The following ADGRB3 variants were observed in gnomAD, a reference collection of about 807,000 sequenced individuals.
ADGRB3 encodes brain-specific angiogenesis inhibitor 3.
In ADGRB3, 37 loss-of-function variants were observed where a neutral mutation model predicts 193.4. The ratio of observed to expected loss-of-function variants is 0.19; its 90% CI spans 0.15 to 0.25. The LOEUF (loss-of-function observed/expected upper bound fraction) is 0.25, where lower values mean the gene tolerates loss of function less well. Among genes scored for constraint, ADGRB3 ranks in the 10% least tolerant of loss-of-function variants. The probability of loss-of-function intolerance (pLI) is 1.00; values close to 1 mark genes in which losing one functional copy is unlikely to be tolerated. For missense variants in ADGRB3, 1,637 were observed against 1,852.9 expected (o/e 0.88, Z 2.14); for synonymous variants, 690 against 644.2 (o/e 1.07, Z -1.08).
At chr6:69,217,003 G>C (rs1381327351) in intron 17 of ADGRB3, among the ~76,000 whole-genome samples, 2 of 152,138 alleles carry the variant, frequency 1.3e-5, no homozygotes, top group African/African-American at 4.8e-5. Context: ...TGAGGAAAAA[G>C]GGAAAAGACA....
At chr6:68,786,828 A>G (rs868271564) in intron 3 of ADGRB3, among the ~76,000 whole-genome samples, 1 of 151,492 alleles carries the variant, frequency 6.6e-6, no homozygotes, top group Non-Finnish European at 1.5e-5. Context: ...CTTTTATTTC[A>G]TTGAGCAGTG....
intron 15 of ADGRB3, among the ~76,000 whole-genome samples, chr6:69,054,365 T>C (rs1316789789): frequency 6.6e-6 from 1 of 152,134 alleles, no homozygotes; most frequent in African/African-American, 2.4e-5. Flanking sequence ...AAAAATAATA[T>C]TGGAAATAAT....
intron 17 of ADGRB3, among the ~76,000 whole-genome samples, chr6:69,159,105 T>C (rs756269519): frequency 2.0e-5 from 3 of 152,098 alleles, no homozygotes; most frequent in Non-Finnish European, 4.4e-5. Flanking sequence ...TTTGGCTTCT[T>C]ACATTGAGTC....
chr6:68,756,144 A>T (rs948950332), intron 3 of ADGRB3, among the ~76,000 whole-genome samples: 16 of 152,070 alleles, frequency 1.1e-4, no homozygotes, highest in Non-Finnish European at 2.2e-4. Flanking sequence ...AAATTTCTTC[A>T]GGTCAAATTA....
At chr6:68,852,644 C>T (rs1437498956) in intron 3 of ADGRB3, among the ~76,000 whole-genome samples, 1 of 151,968 alleles carries the variant, frequency 6.6e-6, no homozygotes, top group Non-Finnish European at 1.5e-5. Context: ...CTATCAGTGG[C>T]ATCTTTTTAA....
At chr6:68,777,187 T>C (rs1016576994) in intron 3 of ADGRB3, among the ~76,000 whole-genome samples, 9 of 152,106 alleles carry the variant, frequency 5.9e-5, no homozygotes, top group Admixed American at 2.6e-4. Context: ...TGTAATAGCA[T>C]GTAAGTGTGT....
intron 3 of ADGRB3, among the ~76,000 whole-genome samples, chr6:68,787,626 G>A (rs1582201891): frequency 1.3e-5 from 2 of 152,098 alleles, no homozygotes; most frequent in Non-Finnish European, 2.9e-5. Context: ...TTTTTTGGTT[G>A]TGTCTCTGCC....
At position 68,889,212 on chromosome 6, in the gene ADGRB3, AT is replaced by A. The variant is rs534066161; in HGVS notation, c.758-41345del. Among the ~76,000 whole-genome samples, 250 of 152,314 alleles carry A rather than the reference AT, an allele frequency of 1.6e-3. 2 individuals carry two copies. Among genetic ancestry groups the A allele is most frequent in the African/African-American group, 5.8e-3 (240 of 41,576 alleles). ...TGTAACAATGACTAAACAAATTCAC[AT>A]TGGTTTACGTCTCCAAATATTGAAA... On this transcript the variant is annotated intron_variant, in intron 3 of 31. Coordinates refer to ENST00000370598, the MANE Select transcript of ADGRB3 (RefSeq NM_001704.3).
chr6:69,146,493 C>G (rs1188892622), intron 17 of ADGRB3, among the ~76,000 whole-genome samples: 1 of 152,202 alleles, frequency 6.6e-6, no homozygotes, highest in African/African-American at 2.4e-5. Context: ...CTGCCTGCTC[C>G]CAGCTCCCAA....
Position 69,333,548 on chromosome 6 carries a change from G to A in ADGRB3, c.3188+540G>A, listed in dbSNP as rs1010144004. On this transcript the variant is annotated intron_variant, in intron 24 of 31. Transcript: ENST00000370598. ...CATTTTTAATCTAACTGGCTAAAAA[G>A]AGTTATTCATAATTTTCACACTTTA... is the stretch of plus-strand genomic sequence containing the variant. 5.4e-4 allele frequency among the ~76,000 whole-genome samples: 82 copies of A among 151,926 alleles called. 1 individual carries two copies. Among genetic ancestry groups the A allele is most frequent in the Non-Finnish European group, 1.5e-4 (10 of 67,986 alleles).
At position 68,797,474 on chromosome 6, in the gene ADGRB3, C is replaced by T. The variant is rs867036261; in HGVS notation, c.758-133085C>T. Among the ~76,000 whole-genome samples the T allele has an allele frequency of 3.2e-4, 48 of 152,056 alleles. 1 individual carries two copies. The highest frequency in any genetic ancestry group is 9.9e-4 in the African/African-American group (41 of 41,492). ...ATGCTGGCACACCTTGAAACCTGTCCGCCATCCAGCCCAGGTGGAGGGCAG... is the reference window on the plus strand; with the variant it reads ...ATGCTGGCACACCTTGAAACCTGTCTGCCATCCAGCCCAGGTGGAGGGCAG... On this transcript the variant is annotated intron_variant, in intron 3 of 31. Coordinates refer to ENST00000370598, the MANE Select transcript of ADGRB3 (RefSeq NM_001704.3).
At chr6:68,796,019 C>T (rs1479560040) in intron 3 of ADGRB3, among the ~76,000 whole-genome samples, 2 of 151,918 alleles carry the variant, frequency 1.3e-5, no homozygotes, top group African/African-American at 4.8e-5. Flanking sequence ...TAAATGATAA[C>T]CCTGTGCTTA....
At chr6:68,947,379 CAATT>C (rs1370767825) in intron 6 of ADGRB3, among the ~76,000 whole-genome samples, 1 of 151,900 alleles carries the variant, frequency 6.6e-6, no homozygotes, top group Non-Finnish European at 1.5e-5. Context: ...GGTCAATTCT[CAATT>C]AATAATTTAC....
At chr6:69,248,880 T>C (rs961748373) in intron 20 of ADGRB3, among the ~76,000 whole-genome samples, 10 of 152,240 alleles carry the variant, frequency 6.6e-5, no homozygotes, top group Non-Finnish European at 1.5e-4. Flanking sequence ...AGGGTTAGCC[T>C]GTGTAGCCTG....
At chr6:68,868,928 TGTGTGTGTGTGTGA>T (rs1765382573) in intron 3 of ADGRB3, among the ~76,000 whole-genome samples, 1 of 149,872 alleles carries the variant, frequency 6.7e-6, no homozygotes, top group African/African-American at 2.5e-5. Context: ...TGTGTGTGTG[TGTGTGTGTGTGTGA>T]GTGTGTGTGT....
At chr6:69,031,039 CTCTTCTCTTCTCTTCTCTTCTCTT>C (rs1221020071) in intron 13 of ADGRB3, among the ~76,000 whole-genome samples, 1 of 21,496 alleles carries the variant, frequency 4.7e-5, no homozygotes, top group African/African-American at 1.8e-4. Flanking sequence ...CTTCTCTTCT[CTCTTCTCTTCTCTTCTCTTCTCTT>C]CTCTTCTCTT....
chr6:69,236,054 C>T (rs969228640), intron 19 of ADGRB3, among the ~76,000 whole-genome samples: 27 of 151,746 alleles, frequency 1.8e-4, no homozygotes, highest in African/African-American at 6.5e-4. Context: ...ATATTTCTGC[C>T]TCAGAAATCT....
chr6:68,829,826 A>G (rs991528021), intron 3 of ADGRB3, among the ~76,000 whole-genome samples: 1 of 152,100 alleles, frequency 6.6e-6, no homozygotes, highest in African/African-American at 2.4e-5. Flanking sequence ...CAGGAGTTCT[A>G]TTTTCACTTT....
intron 17 of ADGRB3, among the ~76,000 whole-genome samples, chr6:69,223,893 G>C (rs1357762547): frequency 3.3e-5 from 5 of 151,890 alleles, no homozygotes; most frequent in Non-Finnish European, 7.4e-5. Flanking sequence ...CTTGCCTCAA[G>C]TAATCTGTCC....
Sources: gnomAD v4.1 joint callset for allele counts (sites outside exome capture counted in the v4.1 genomes callset) on GRCh38, gnomAD v4.1.1 for gene constraint, MANE v1.5 for transcripts, NCBI Gene and HGNC (gene_info 2026-07-23, HGNC 2026-07-21) for gene names.